Variants in PDE4D observed in about 807,000 individuals in gnomAD.
The protein encoded by PDE4D is phosphodiesterase 4D.
PDE4D carries 24 observed loss-of-function variants against 87.4 expected under a neutral mutation model. That is an observed-to-expected ratio of 0.27 (90% CI 0.20 to 0.39). The LOEUF (loss-of-function observed/expected upper bound fraction) is 0.39, where lower values mean the gene tolerates loss of function less well. Among genes scored for constraint, PDE4D ranks in the 10% least tolerant of loss-of-function variants. PDE4D has a pLI of 1.00. For synonymous variants in PDE4D, 384 were observed against 383.2 expected (o/e 1.00, Z -0.02); for missense variants, 714 against 1,041.0 (o/e 0.69, Z 4.32).
intron 1 of PDE4D, among the ~76,000 whole-genome samples, chr5:60,310,612 A>C (rs747635319): frequency 6.6e-6 from 1 of 152,204 alleles, no homozygotes; most frequent in Non-Finnish European, 1.5e-5. Context: ...CTTCTGGCCA[A>C]CAGAATAGGG....
At chr5:59,701,355 CT>C (rs1414341646) in intron 1 of PDE4D, among the ~76,000 whole-genome samples, 1 of 152,162 alleles carries the variant, frequency 6.6e-6, no homozygotes, top group Non-Finnish European at 1.5e-5. Flanking sequence ...TTTGCTTCCC[CT>C]GCTCCAATTT....
chr5:60,043,661 T>A (rs1768794428), intron 2 of PDE4D, among the ~76,000 whole-genome samples: 1 of 152,014 alleles, frequency 6.6e-6, no homozygotes, highest in Non-Finnish European at 1.5e-5. Flanking sequence ...AATTTTCTTT[T>A]TTTTTTTTTT....
chr5:58,996,287 T>TA (rs1484283761), intron 6 of PDE4D, among the ~76,000 whole-genome samples: 6 of 151,990 alleles, frequency 3.9e-5, no homozygotes, highest in African/African-American at 4.8e-5. Flanking sequence ...GTATAATAAT[T>TA]AAAAAAAATT....
intron 2 of PDE4D, among the ~76,000 whole-genome samples, chr5:60,072,984 G>A (rs937156815): frequency 2.6e-5 from 4 of 151,690 alleles, no homozygotes; most frequent in African/African-American, 9.7e-5. Context: ...TGGCTGTTTG[G>A]TATTGCCTTG....
At position 59,388,047 on chromosome 5, in the gene PDE4D, G is replaced by A. The variant is rs570863416; in HGVS notation, c.456-172079C>T. 3.3e-5 allele frequency among the ~76,000 whole-genome samples: 5 copies of A among 152,144 alleles called. No homozygotes were observed. The South Asian group carries it at 1.0e-3, about 32-fold the overall frequency. The stretch of plus-strand genomic sequence containing the variant: ...ATTTAAATGAGATCATGTGGTGGTT[G>A]TCATTCTGTGCCTGACTTATTTCAC... On this transcript the variant is annotated intron_variant, in intron 1 of 14. Coordinates refer to ENST00000340635, the MANE Select transcript of PDE4D (RefSeq NM_001104631.2).
At chr5:59,751,441 T>C (rs1170431344) in intron 1 of PDE4D, among the ~76,000 whole-genome samples, 1 of 152,170 alleles carries the variant, frequency 6.6e-6, no homozygotes, top group Non-Finnish European at 1.5e-5. Context: ...CTATTGAAAG[T>C]GTTCAGTGCA....
At chr5:60,041,712 C>A (rs1051855099) in intron 2 of PDE4D, among the ~76,000 whole-genome samples, 2 of 152,144 alleles carry the variant, frequency 1.3e-5, no homozygotes, top group African/African-American at 4.8e-5. Context: ...GGGGAACTCC[C>A]TCCTCTAGCC....
At chr5:59,414,264 C>T (rs1462010594) in intron 1 of PDE4D, among the ~76,000 whole-genome samples, 2 of 152,154 alleles carry the variant, frequency 1.3e-5, no homozygotes, top group Admixed American at 1.3e-4. Flanking sequence ...AGAGGGTAGG[C>T]AACTTGGCGG....
intron 2 of PDE4D, among the ~76,000 whole-genome samples, chr5:59,989,981 T>C (rs977666999): frequency 6.6e-6 from 1 of 152,222 alleles, no homozygotes; most frequent in Non-Finnish European, 1.5e-5. Flanking sequence ...ATGCATATGA[T>C]GTGCATAGTT....
intron 5 of PDE4D, among the ~76,000 whole-genome samples, chr5:59,150,832 T>A (rs144871869): frequency 1.2e-4 from 18 of 152,024 alleles, no homozygotes; most frequent in African/African-American, 2.2e-4. Flanking sequence ...GAAAAAAAAA[T>A]TTTTAAATCT....
At chr5:60,381,557 G>A (rs1412270640) in intron 1 of PDE4D, among the ~76,000 whole-genome samples, 1 of 152,202 alleles carries the variant, frequency 6.6e-6, no homozygotes, top group African/African-American at 2.4e-5. Flanking sequence ...ACAGGTTAAT[G>A]TCAAAGATGA....
At chr5:59,492,727 A>C (rs895220731) in intron 1 of PDE4D, among the ~76,000 whole-genome samples, 2 of 151,816 alleles carry the variant, frequency 1.3e-5, no homozygotes, top group Non-Finnish European at 2.9e-5. Context: ...GTCCCCACCC[A>C]AATCTCATCT....
At chr5:58,991,764 C>G (rs542427549) in intron 8 of PDE4D, 68 bp downstream of exon 8, 137 of 1,016,512 alleles carry the variant, frequency 1.3e-4, no homozygotes, top group Non-Finnish European at 1.8e-4. Flanking sequence ...ATTTAAAAGA[C>G]TAGAAGTGAA....
rs149401863 is a variant in PDE4D at position 59,121,372 on chromosome 5, C to A, written c.808+59223G>T. Among the ~76,000 whole-genome samples, 829 of 152,076 alleles carry A rather than the reference C, an allele frequency of 5.5e-3. 6 individuals carry two copies. The highest frequency in any genetic ancestry group is 0.017 in the African/African-American group (712 of 41,464). On this transcript the variant is annotated intron_variant, in intron 5 of 14. Transcript: ENST00000340635. ...TCTCAATAGTAAAAAAGCACACAAT[C>A]CCATTAAAAGTGGACAAAGGACATA...
At chr5:59,214,187 A>G (rs993141472) in intron 2 of PDE4D, among the ~76,000 whole-genome samples, 2 of 151,998 alleles carry the variant, frequency 1.3e-5, no homozygotes, top group African/African-American at 4.8e-5. Context: ...GTGAATTTCG[A>G]CATGAAATAC....
intron 1 of PDE4D, among the ~76,000 whole-genome samples, chr5:59,709,888 GA>G (rs1187428385): frequency 6.6e-6 from 1 of 152,186 alleles, no homozygotes; most frequent in Non-Finnish European, 1.5e-5. Context: ...ACTTTAGACA[GA>G]ACTCTGCAGG....
At chr5:59,509,440 C>T (rs1446317184) in intron 1 of PDE4D, among the ~76,000 whole-genome samples, 1 of 148,742 alleles carries the variant, frequency 6.7e-6, no homozygotes, top group African/African-American at 2.5e-5. Context: ...AAAAAAAATG[C>T]TGAGCAAAGA....
At chr5:59,050,650 T>C (rs1011425756) in intron 5 of PDE4D, among the ~76,000 whole-genome samples, 6 of 152,236 alleles carry the variant, frequency 3.9e-5, no homozygotes, top group Admixed American at 6.5e-5. Context: ...ATCCACAACC[T>C]ATAAGAGCTC....
chr5:59,740,483 C>A (rs1226100793), intron 1 of PDE4D, among the ~76,000 whole-genome samples: 1 of 152,094 alleles, frequency 6.6e-6, no homozygotes, highest in Non-Finnish European at 1.5e-5. Context: ...CACATTTATA[C>A]CTTGTAAATA....
Sources: gnomAD v4.1 joint callset for allele counts (sites outside exome capture counted in the v4.1 genomes callset) on GRCh38, gnomAD v4.1.1 for gene constraint, MANE v1.5 for transcripts, NCBI Gene and HGNC (gene_info 2026-07-23, HGNC 2026-07-21) for gene names.